Variants in DIP2A observed in about 807,000 individuals in gnomAD.
The protein encoded by DIP2A is DIP2 acetate--CoA ligase A.
DIP2A carries 85 observed loss-of-function variants against 177.4 expected under a neutral mutation model. That is an observed-to-expected ratio of 0.48 (90% CI 0.40 to 0.57). The LOEUF (loss-of-function observed/expected upper bound fraction) is 0.57, where lower values mean the gene tolerates loss of function less well. Ranked by LOEUF, DIP2A falls within the 20% of genes least tolerant of loss-of-function variation. The probability of loss-of-function intolerance (pLI) is 0.00; values close to 1 mark genes in which losing one functional copy is unlikely to be tolerated. For missense variants in DIP2A, 1,791 were observed against 2,100.2 expected (o/e 0.85, Z 2.88); for synonymous variants, 886 against 881.8 (o/e 1.00, Z -0.08).
At chr21:46,566,533 G>A (rs1325813276) in intron 36 of DIP2A, 27 bp from the exon 37 acceptor site, 2 of 1,613,756 alleles carry the variant, frequency 1.2e-6, no homozygotes, top group South Asian at 1.1e-5. Flanking sequence ...GGCTTTCTGG[G>A]CACGTGTAAA....
intron 25 of DIP2A, 87 bp from the exon 26 acceptor site, chr21:46,554,082 T>C (rs2148880587): frequency 6.8e-7 from 1 of 1,474,920 alleles, no homozygotes; most frequent in African/African-American, 1.4e-5. Context: ...TCGTGTGCAG[T>C]GGCGTGCAGG....
In DIP2A at chr21:46,568,020, G is replaced by T. The variant is rs1489355885; in HGVS notation, c.*398G>T. ...TATTTATTCCCACTTCAAATGACAA[G>T]TTCATATATAGAATTTACGGGAGAA... On this transcript the variant is annotated 3_prime_UTR_variant, in exon 38 of 38. Transcript: ENST00000417564. 1.8e-5 allele frequency: 3 copies of T among 162,232 alleles called. No individual in the cohort carries two copies. The highest frequency in any genetic ancestry group is 4.0e-5 in the Non-Finnish European group (3 of 74,836). The allele number at this position is 162,232 out of a possible 1,614,324, so 10.0% of individuals were successfully genotyped here. A position where few individuals can be genotyped will look rare whatever the true frequency, so the allele number is the denominator to read the frequency against.
intron 18 of DIP2A, among the ~76,000 whole-genome samples, chr21:46,542,624 G>A (rs1043367364): frequency 8.5e-5 from 13 of 152,210 alleles, no homozygotes; most frequent in Non-Finnish European, 1.6e-4. Context: ...GGTGACATTC[G>A]AGTGGGGACA....
intron 5 of DIP2A, among the ~76,000 whole-genome samples, chr21:46,499,798 C>CT (rs1224103789): frequency 6.6e-6 from 1 of 152,134 alleles, no homozygotes; most frequent in Non-Finnish European, 1.5e-5. Flanking sequence ...TAATCCCCTC[C>CT]TTTTTTTCCC....
At position 46,490,732 on chromosome 21, in the gene DIP2A, C is replaced by T; in HGVS notation, c.283+13C>T. On this transcript the variant is annotated intron_variant, in intron 3 of 37. Transcript: ENST00000417564. ...CGCTTCCGGTCAGGTAGGGTCACAG[C>T]CTAGGCAGTGGGGAAGGTGGACGGG... 6.4e-7 allele frequency: 1 copy of T among 1,562,038 alleles called. No individual in the cohort carries two copies. The highest frequency in any genetic ancestry group is 8.7e-7 in the Non-Finnish European group (1 of 1,153,604).
chr21:46,461,715 C>G (rs2054329409), intron 1 of DIP2A, among the ~76,000 whole-genome samples: 1 of 152,102 alleles, frequency 6.6e-6, no homozygotes, highest in Non-Finnish European at 1.5e-5. Flanking sequence ...GATTATGTAA[C>G]ATGGAGAGGA....
At chr21:46,529,298 G>T (rs2059255291) in intron 9 of DIP2A, 115 bp downstream of exon 9, 1 of 724,038 alleles carries the variant, frequency 1.4e-6, no homozygotes, top group Non-Finnish European at 2.2e-6. Context: ...TAATACAAGG[G>T]ATTTAAAATC....
chr21:46,517,492 G>A (rs1453043432), intron 8 of DIP2A, among the ~76,000 whole-genome samples: 4 of 152,152 alleles, frequency 2.6e-5, no homozygotes, highest in South Asian at 2.1e-4. Context: ...CTGGCTGGTC[G>A]CTGCAGTCCA....
intron 1 of DIP2A, 118 bp from the exon 2 acceptor site, chr21:46,484,639 C>A: frequency 1.2e-6 from 1 of 842,504 alleles, no homozygotes; most frequent in Non-Finnish European, 1.8e-6. Context: ...GTTTATTTGT[C>A]CAGACACTTC....
chr21:46,499,051 A>T (rs2057512281), intron 5 of DIP2A, among the ~76,000 whole-genome samples: 1 of 152,226 alleles, frequency 6.6e-6, no homozygotes, highest in African/African-American at 2.4e-5. Flanking sequence ...TAATAATTGC[A>T]CTTGAAAGAA....
intron 8 of DIP2A, among the ~76,000 whole-genome samples, chr21:46,514,638 TTTG>T (rs2058481284): frequency 7.2e-6 from 1 of 138,814 alleles, no homozygotes; most frequent in Non-Finnish European, 1.6e-5. Flanking sequence ...TTTTTTTTTT[TTTG>T]GTTTTTTTTT....
In DIP2A at chr21:46,560,952, T is replaced by C. The variant is rs116695953; in HGVS notation, c.4031+169T>C. 7.1e-6 allele frequency: 7 copies of C among 985,282 alleles called. No homozygotes were observed. In the South Asian group the frequency reaches 1.4e-4, roughly 20 times the overall value. 61.0% of individuals were successfully genotyped at this position (985,282 alleles called of 1,614,324 possible). The stretch of plus-strand genomic sequence containing the variant: ...CACATGAGAGGACAGCTGGCTACAT[T>C]GGGCCATCTGCACCAAGAGGAAGAG... On this transcript the variant is annotated intron_variant, in intron 33 of 37. Coordinates refer to ENST00000417564, the MANE Select transcript of DIP2A (RefSeq NM_015151.4).
rs146924203 is a variant in DIP2A, at chr21:46,569,652, G to T, written c.*2030G>T. ...GTTTTAGAATTACTCTGGGAATTCT[G>T]TATATCACACTAAAATTTTTATATC... On this transcript the variant is annotated 3_prime_UTR_variant, in exon 38 of 38. Transcript: ENST00000417564. 7.2e-5 allele frequency: 11 copies of T among 152,258 alleles called. 1 individual carries two copies. Among genetic ancestry groups the T allele is most frequent in the African/African-American group, 1.9e-4 (8 of 41,562 alleles). 9.4% of individuals were successfully genotyped at this position (152,258 alleles called of 1,614,324 possible).
intron 9 of DIP2A, among the ~76,000 whole-genome samples, chr21:46,529,402 C>T (rs937324677): frequency 6.6e-6 from 1 of 152,068 alleles, no homozygotes; most frequent in Non-Finnish European, 1.5e-5. Context: ...GAGTTTGAGA[C>T]CAGCCTGGGC....
At chr21:46,494,149 A>T (rs1460526572) in intron 3 of DIP2A, among the ~76,000 whole-genome samples, 1 of 152,238 alleles carries the variant, frequency 6.6e-6, no homozygotes, top group Non-Finnish European at 1.5e-5. Flanking sequence ...GCCAATGTTC[A>T]TATGGCTTTT....
intron 18 of DIP2A, among the ~76,000 whole-genome samples, 173 bp from the exon 19 acceptor site, chr21:46,544,964 A>G (rs1330675916): frequency 6.6e-6 from 1 of 152,240 alleles, no homozygotes; most frequent in African/African-American, 2.4e-5. Flanking sequence ...TAAAATATAA[A>G]GACTTACAGC....
At chr21:46,572,069 T>C (rs8126548), downstream of DIP2A, among the ~76,000 whole-genome samples, 20,367 of 152,088 alleles carry the variant, frequency 0.13, 1,944 homozygotes, top group African/African-American at 0.27. Flanking sequence ...TTTTGAGATA[T>C]GGTCCACCAA....
intron 32 of DIP2A, among the ~76,000 whole-genome samples, chr21:46,560,387 A>C (rs916105071): frequency 7.9e-5 from 12 of 152,354 alleles, no homozygotes; most frequent in African/African-American, 2.9e-4. Flanking sequence ...CATGGTGGAA[A>C]TGCCCCTCAA....
chr21:46,484,123 T>C (rs143449170), intron 1 of DIP2A, among the ~76,000 whole-genome samples: 2 of 152,334 alleles, frequency 1.3e-5, no homozygotes, highest in Non-Finnish European at 2.9e-5. Flanking sequence ...GGGTCCCTTA[T>C]TGCAATACTT....
Sources: gnomAD v4.1 joint callset for allele counts (sites outside exome capture counted in the v4.1 genomes callset) on GRCh38, gnomAD v4.1.1 for gene constraint, MANE v1.5 for transcripts, NCBI Gene and HGNC (gene_info 2026-07-23, HGNC 2026-07-21) for gene names.